The following PRRT3 variants were observed in gnomAD, a reference collection of about 807,000 sequenced individuals.
The protein encoded by PRRT3 is proline-rich transmembrane protein 3.
Under a neutral mutation model 56.6 loss-of-function variants are expected in PRRT3, and 48 were observed. The observed-to-expected ratio is 0.85, with a 90% CI of 0.67 to 1.08. PRRT3 has a LOEUF of 1.08. Ranked by LOEUF, PRRT3 falls within the 50% of genes least tolerant of loss-of-function variation. The pLI is 0.00. For synonymous variants in PRRT3, 641 were observed against 619.1 expected (o/e 1.04, Z -0.52); for missense variants, 1,370 against 1,353.1 (o/e 1.01, Z -0.20).
chr3:9,949,677 C>G lies in PRRT3; in HGVS notation c.439G>C (p.Val147Leu). Residue 147 changes from valine to leucine, a missense_variant, in exon 2 of 4, where the codon GTG (valine) becomes CTG (leucine). Val to Leu is a conservative substitution (Grantham distance 32, BLOSUM62 1). Coordinates refer to ENST00000412055, the MANE Select transcript of PRRT3 (RefSeq NM_207351.5). This position sits in a 1 kb window ranked among gnomAD's most constrained non-coding sequence, Gnocchi z 4.5. ...LQQEAVAPHP[V>L]GHPHLTFIPT... is the part of the protein sequence containing the mutation. ...ATGAAAGTGAGATGAGGGTGGCCCA[C>G]TGGGTGGGGAGCCACTGCTTCTTGC... 1 of 1,614,112 alleles carries G rather than the reference C, an allele frequency of 6.2e-7. No homozygotes were observed. The highest frequency in any genetic ancestry group is 1.7e-5 in the Admixed American group (1 of 60,020).
chr3:9,946,604 T>C lies in PRRT3; in HGVS notation c.2569A>G (p.Lys857Glu), dbSNP rs2085526902. Residue 857 changes from lysine (K) to glutamate (E), a missense_variant, in exon 4 of 4, where the codon AAA (lysine) becomes GAA (glutamate). Lys to Glu is a moderately conservative substitution (Grantham distance 56). Transcript: ENST00000412055. This position sits in a 1 kb window ranked among gnomAD's most constrained non-coding sequence, Gnocchi z 4.1. ...GAGCCAGCGTCGTCGAGCTCGGCTT[T>C]GGGATGGCTGCCCCGGCGCGGCCGC... Reference protein sequence around the residue: ...ALRPRRGSHPKAELDDAGSSL... With the variant: ...ALRPRRGSHPEAELDDAGSSL... 7 of 1,399,762 alleles carry C rather than the reference T, an allele frequency of 5.0e-6. No individual in the cohort carries two copies. Among genetic ancestry groups the C allele is most frequent in the Non-Finnish European group, 6.5e-6 (7 of 1,084,598 alleles). The allele number at this position is 1,399,762 out of a possible 1,614,324, so 86.7% of individuals were successfully genotyped here. A position where few individuals can be genotyped will look rare whatever the true frequency, so the allele number is the denominator to read the frequency against.
At chr3:9,951,552 C>T (rs1488043767) in intron 1 of PRRT3, among the ~76,000 whole-genome samples, 2 of 152,202 alleles carry the variant, frequency 1.3e-5, no homozygotes, top group Admixed American at 6.5e-5. Context: ...CAAACATTCA[C>T]GGAGCCCCAT....
rs199776201 is a variant in PRRT3 at position 9,948,703 on chromosome 3, T to A, written c.1171+55A>T. ...CGCCCCCATACATCCCCAACAGAGG[T>A]TCTCAGTTACTAGACAGAGCACTCC... On this transcript the variant is annotated intron_variant, in intron 3 of 3. Coordinates refer to ENST00000412055, the MANE Select transcript of PRRT3 (RefSeq NM_207351.5). The A allele has an allele frequency of 2.3e-4, 369 of 1,589,542 alleles. 1 individual carries two copies. The African/African-American group carries it at 4.4e-3, about 19-fold the overall frequency.
chr3:9,946,621 C>T lies in PRRT3; in HGVS notation c.2552G>A (p.Arg851His). 1 of 1,393,260 alleles carries T rather than the reference C, an allele frequency of 7.2e-7. No individual in the cohort carries two copies. The allele number at this position is 1,393,260 out of a possible 1,614,324, so 86.3% of individuals were successfully genotyped here. ...SPPPGGALRPRRGSHPKAELD... is the reference protein window; with the variant it reads ...SPPPGGALRPHRGSHPKAELD... ...CTCGGCTTTGGGATGGCTGCCCCGG[C>T]GCGGCCGCAGAGCGCCTCCAGGCGG... Residue 851 changes from arginine (R) to histidine (H), a missense_variant, in exon 4 of 4, where the codon CGC (arginine) becomes CAC (histidine). Transcript: ENST00000412055. The surrounding 1 kb of genome is among the most constrained non-coding windows in gnomAD (Gnocchi z 4.1).
In PRRT3 at chr3:9,947,201, C is replaced by T. The variant is rs749273758; in HGVS notation, c.1972G>A (p.Ala658Thr). The change falls in exon 4 of 4, where the codon GCG (alanine) becomes ACG (threonine). Residue 658 changes from alanine to threonine, a missense_variant. By Grantham distance (58) the Ala-to-Thr change is moderately conservative. Transcript: ENST00000412055. This position sits in a 1 kb window ranked among gnomAD's most constrained non-coding sequence, Gnocchi z 9.2. ...CCTGGGCCCGGGTACAGCCAGAGCG[C>T]AGCCGCCAGCTGCAAGCCGCTAGCC... ...LLASGLQLAAALWLYPGPGRV... is the reference protein window; with the variant it reads ...LLASGLQLAATLWLYPGPGRV... The T allele has an allele frequency of 9.2e-6, 14 of 1,521,534 alleles. No homozygotes were observed. Among genetic ancestry groups the T allele is most frequent in the South Asian group, 8.5e-5 (7 of 82,328 alleles). The allele number at this position is 1,521,534 out of a possible 1,614,324, so 94.3% of individuals were successfully genotyped here.
Position 9,947,816 on chromosome 3 carries a change from C to T in PRRT3, c.1357G>A (p.Ala453Thr). The change falls in exon 4 of 4, where the codon GCC becomes ACC. Residue 453 changes from alanine to threonine, a missense_variant. Coordinates refer to ENST00000412055, the MANE Select transcript of PRRT3 (RefSeq NM_207351.5). The surrounding 1 kb of genome is among the most constrained non-coding windows in gnomAD (Gnocchi z 9.2). The stretch of plus-strand genomic sequence containing the variant: ...CCCCAGCGTAGCGGGGGTGCAGTGG[C>T]GTTGGCTGGGGGGCTGGAGGCTGGG... ...SAPASSPPANATAPPLRWGPL... is the reference protein window; with the variant it reads ...SAPASSPPANTTAPPLRWGPL... 2.1e-6 allele frequency: 3 copies of T among 1,444,058 alleles called. No homozygotes were observed. The highest frequency in any genetic ancestry group is 3.0e-5 in the Admixed American group (1 of 33,426). 89.5% of individuals were successfully genotyped at this position (1,444,058 alleles called of 1,614,324 possible).
In PRRT3 at chr3:9,949,206, C is replaced by A; in HGVS notation, c.910G>T (p.Gly304Cys). 6.2e-7 allele frequency: 1 copy of A among 1,608,780 alleles called. No homozygotes were observed. Among genetic ancestry groups the A allele is most frequent in the East Asian group, 2.2e-5 (1 of 44,862 alleles). The change falls in exon 2 of 4, where the codon GGT (glycine) becomes TGT (cysteine). Residue 304 changes from glycine to cysteine, a missense_variant. Gly to Cys is a radical substitution (Grantham distance 159). Coordinates refer to ENST00000412055, the MANE Select transcript of PRRT3 (RefSeq NM_207351.5). The surrounding 1 kb of genome is among the most constrained non-coding windows in gnomAD (Gnocchi z 4.5). ...AGGTCAGCCTGCTTGGGCGGGGGAC[C>A]TGGGGAGCTGACTTCCCAGGACACC... ...AEVSWEVSSP[G>C]PPPKQADLPD...
chr3:9,946,156 G>C lies in PRRT3; in HGVS notation c.*71C>G. ...TGGCCAGGATGCCCATTTTTTAAAG[G>C]CTCAACTGTCCCAGTAGGCCATGCC... On this transcript the variant is annotated 3_prime_UTR_variant, in exon 4 of 4. Coordinates refer to ENST00000412055, the MANE Select transcript of PRRT3 (RefSeq NM_207351.5). This position sits in a 1 kb window ranked among gnomAD's most constrained non-coding sequence, Gnocchi z 4.1. 6.5e-7 allele frequency: 1 copy of C among 1,531,476 alleles called. No individual in the cohort carries two copies. The highest frequency in any genetic ancestry group is 8.8e-7 in the Non-Finnish European group (1 of 1,137,816). 94.9% of individuals were successfully genotyped at this position (1,531,476 alleles called of 1,614,324 possible).
In PRRT3 at chr3:9,946,834, C is replaced by T. The variant is rs2085532392; in HGVS notation, c.2339G>A (p.Arg780His). ...GAWGSAASLG[R>H]GPQGGPGLSR... ...CAGTCCCGGGCCACCCTGGGGTCCG[C>T]GACCCAACGACGCAGCCGAGCCCCA... Residue 780 changes from arginine to histidine, a missense_variant, in exon 4 of 4, where the codon CGC becomes CAC. Transcript: ENST00000412055. The surrounding 1 kb of genome is among the most constrained non-coding windows in gnomAD (Gnocchi z 4.1). The T allele has an allele frequency of 6.5e-7, 1 of 1,540,012 alleles. No homozygotes were observed. Among genetic ancestry groups the T allele is most frequent in the Non-Finnish European group, 8.7e-7 (1 of 1,149,112 alleles).
At position 9,947,205 on chromosome 3, in the gene PRRT3, CGCCAGCTGCAAGCCGCTA is replaced by C; in HGVS notation, c.1950_1967del (p.Ser651_Ala656del). 1 of 1,519,864 alleles carries C rather than the reference CGCCAGCTGCAAGCCGCTA, an allele frequency of 6.6e-7. No individual in the cohort carries two copies. The highest frequency in any genetic ancestry group is 8.8e-7 in the Non-Finnish European group (1 of 1,140,502). 94.1% of individuals were successfully genotyped at this position (1,519,864 alleles called of 1,614,324 possible). ...GGCCCGGGTACAGCCAGAGCGCAGC[CGCCAGCTGCAAGCCGCTA>C]GCCAGCAGCCCCAGCGCGCCCGCCA... is the stretch of plus-strand genomic sequence containing the variant. On this transcript the variant is annotated inframe_deletion, in exon 4 of 4. Coordinates refer to ENST00000412055, the MANE Select transcript of PRRT3 (RefSeq NM_207351.5). The surrounding 1 kb of genome is among the most constrained non-coding windows in gnomAD (Gnocchi z 9.2).
In PRRT3 at chr3:9,947,428, C is replaced by G; in HGVS notation, c.1745G>C (p.Gly582Ala). The stretch of plus-strand genomic sequence containing the variant: ...CAGGTCTGTCGCGAGCAACCCTACA[C>G]CATGCACCAGCGCCACTGCTCCCAG... ...LLLGAVALVH[G>A]VGLLATDLLS... The change falls in exon 4 of 4, where the codon GGT becomes GCT. Residue 582 changes from glycine to alanine, a missense_variant. Transcript: ENST00000412055. This position sits in a 1 kb window ranked among gnomAD's most constrained non-coding sequence, Gnocchi z 9.2. 6.2e-7 allele frequency: 1 copy of G among 1,612,570 alleles called. No homozygotes were observed. The highest frequency in any genetic ancestry group is 1.1e-5 in the South Asian group (1 of 91,088).
In PRRT3 at chr3:9,947,745, G is replaced by A. The variant is rs780693862; in HGVS notation, c.1428C>T (p.Tyr476=). ...GCAGCAGAAAGAGTACCCCCACCCC[G>A]TAGACGTGCAGCTCCCAGGAGAAGC... ...VLSFSWELHV[Y]GVGVLFLLPA... is the part of the protein sequence containing the mutation. Residue 476 remains tyrosine, a synonymous_variant, in exon 4 of 4, where the codon TAC becomes TAT. Coordinates refer to ENST00000412055, the MANE Select transcript of PRRT3 (RefSeq NM_207351.5). The surrounding 1 kb of genome is among the most constrained non-coding windows in gnomAD (Gnocchi z 9.2). 3.9e-6 allele frequency: 6 copies of A among 1,530,630 alleles called. No homozygotes were observed. Among genetic ancestry groups the A allele is most frequent in the Admixed American group, 2.2e-5 (1 of 44,842 alleles). The allele number at this position is 1,530,630 out of a possible 1,614,324, so 94.8% of individuals were successfully genotyped here.
chr3:9,947,331 C>T lies in PRRT3; in HGVS notation c.1842G>A (p.Leu614=). 6.2e-7 allele frequency: 1 copy of T among 1,606,478 alleles called. No individual in the cohort carries two copies. Residue 614 remains leucine, a synonymous_variant, in exon 4 of 4, where the codon CTG becomes CTA. Coordinates refer to ENST00000412055, the MANE Select transcript of PRRT3 (RefSeq NM_207351.5). The surrounding 1 kb of genome is among the most constrained non-coding windows in gnomAD (Gnocchi z 9.2). The part of the protein sequence containing the change: ...LSCAWGAAVA[L]GTLCLCRRRL... ...GGCGACGGCACAGGCAGAGCGTGCCCAGAGCCACGGCCGCGCCCCAGGCGC... is the reference window on the plus strand; with the variant it reads ...GGCGACGGCACAGGCAGAGCGTGCCTAGAGCCACGGCCGCGCCCCAGGCGC...
In PRRT3 at chr3:9,946,526, G is replaced by A. The variant is rs1339640482; in HGVS notation, c.2647C>T (p.Pro883Ser). 1.6e-5 allele frequency: 24 copies of A among 1,478,920 alleles called. No individual in the cohort carries two copies. Among genetic ancestry groups the A allele is most frequent in the Non-Finnish European group, 2.2e-5 (24 of 1,112,928 alleles). 91.6% of individuals were successfully genotyped at this position (1,478,920 alleles called of 1,614,324 possible). A position where few individuals can be genotyped will look rare whatever the true frequency, so the allele number is the denominator to read the frequency against. Residue 883 changes from proline (P) to serine (S), a missense_variant, in exon 4 of 4, where the codon CCG becomes TCG. Coordinates refer to ENST00000412055, the MANE Select transcript of PRRT3 (RefSeq NM_207351.5). The surrounding 1 kb of genome is among the most constrained non-coding windows in gnomAD (Gnocchi z 4.1). ...GCTTCCACTACGTGCTGTGGGACCG[G>A]CCCGCGCACGCGCACGTCGCTGAGC... ...RSLSDVRVRGPVPQHVVEAPD... is the reference protein window; with the variant it reads ...RSLSDVRVRGSVPQHVVEAPD...
Position 9,949,257 on chromosome 3 carries a change from C to T in PRRT3, c.859G>A (p.Glu287Lys). ...TCAGCGCCAGCCCTCTTGGGGGTCTCAACCGGCAGCTCCTCAGCAGGAGGA... is the reference window on the plus strand; with the variant it reads ...TCAGCGCCAGCCCTCTTGGGGGTCTTAACCGGCAGCTCCTCAGCAGGAGGA... ...SLPPAEELPV[E>K]TPKRAGAEVS... The change falls in exon 2 of 4, where the codon GAG becomes AAG. Residue 287 changes from glutamate (E) to lysine (K), a missense_variant. Glu to Lys is a moderately conservative substitution (Grantham distance 56). Transcript: ENST00000412055. This position sits in a 1 kb window ranked among gnomAD's most constrained non-coding sequence, Gnocchi z 4.5. 6.2e-7 allele frequency: 1 copy of T among 1,602,592 alleles called. No individual in the cohort carries two copies. The highest frequency in any genetic ancestry group is 8.5e-7 in the Non-Finnish European group (1 of 1,173,336).
In PRRT3 at chr3:9,947,521, G is replaced by A. The variant is rs770151205; in HGVS notation, c.1652C>T (p.Ala551Val). The change falls in exon 4 of 4, where the codon GCG (alanine) becomes GTG (valine). Residue 551 changes from alanine to valine, a missense_variant. Ala to Val is a moderately conservative substitution (Grantham distance 64). Coordinates refer to ENST00000412055, the MANE Select transcript of PRRT3 (RefSeq NM_207351.5). This position sits in a 1 kb window ranked among gnomAD's most constrained non-coding sequence, Gnocchi z 9.2. ...GCCGAGCAGAGTCAGGGCTGCCAGC[G>A]CCGTAAGCAGCAAGGGGAAGGGCAG... ...YNLPFPLLLT[A>V]LAALTLLGLG... 3.4e-5 allele frequency: 54 copies of A among 1,611,538 alleles called. No individual in the cohort carries two copies. The highest frequency in any genetic ancestry group is 4.5e-5 in the Non-Finnish European group (53 of 1,179,522).
Position 9,949,144 on chromosome 3 carries a change from C to A in PRRT3, c.972G>T (p.Thr324=), listed in dbSNP as rs183196773. 6.2e-7 allele frequency: 1 copy of A among 1,611,462 alleles called. No homozygotes were observed. The highest frequency in any genetic ancestry group is 8.5e-7 in the Non-Finnish European group (1 of 1,179,188). Residue 324 remains threonine, a synonymous_variant, in exon 2 of 4, where the codon ACG becomes ACT. Transcript: ENST00000412055. The surrounding 1 kb of genome is among the most constrained non-coding windows in gnomAD (Gnocchi z 4.5). ...CAGGAGCCTCTGAGGCGGGTGGATC[C>A]GTGGGCTGGGGTCCTGGTGAATCCT... ...DAKDSPGPQP[T]DPPASEAPDR...
chr3:9,947,406 G>C lies in PRRT3; in HGVS notation c.1767C>G (p.Asp589Glu). Residue 589 changes from aspartate to glutamate, a missense_variant, in exon 4 of 4, where the codon GAC (aspartate) becomes GAG (glutamate). By Grantham distance (45) the Asp-to-Glu change is conservative (BLOSUM62 2). Coordinates refer to ENST00000412055, the MANE Select transcript of PRRT3 (RefSeq NM_207351.5). This position sits in a 1 kb window ranked among gnomAD's most constrained non-coding sequence, Gnocchi z 9.2. ...LVHGVGLLAT[D>E]LLSTWSVLNL... ...TGAGCACAGACCATGTGGACAGCAGGTCTGTCGCGAGCAACCCTACACCAT... is the reference window on the plus strand; with the variant it reads ...TGAGCACAGACCATGTGGACAGCAGCTCTGTCGCGAGCAACCCTACACCAT... The C allele has an allele frequency of 1.9e-6, 3 of 1,612,472 alleles. No individual in the cohort carries two copies. Among genetic ancestry groups the C allele is most frequent in the Non-Finnish European group, 2.5e-6 (3 of 1,179,648 alleles).
rs1202423651 is a variant in PRRT3, at chr3:9,948,897, A to T, written c.1032T>A (p.Asn344Lys). The T allele has an allele frequency of 3.1e-6, 5 of 1,588,268 alleles. No homozygotes were observed. The highest frequency in any genetic ancestry group is 3.7e-5 in the Admixed American group (2 of 54,532). Residue 344 changes from asparagine to lysine, a missense_variant, in exon 3 of 4, where the codon AAT becomes AAA. Asn to Lys is a moderately conservative substitution (Grantham distance 94, BLOSUM62 0). Coordinates refer to ENST00000412055, the MANE Select transcript of PRRT3 (RefSeq NM_207351.5). Reference protein sequence around the residue: ...RPSKPERAAMNGADPISPQRV... With the variant: ...RPSKPERAAMKGADPISPQRV... ...GCTGGGGGGAGATGGGGTCTGCTCC[A>T]TTCATTGCTGCTCTCTCTGAAATGA...
Sources: allele counts gnomAD v4.1 joint callset (sites outside exome capture counted in the v4.1 genomes callset), GRCh38; gene constraint gnomAD v4.1.1; non-coding constraint Gnocchi (gnomAD v3.1); transcripts MANE v1.5; gene names NCBI Gene and HGNC (gene_info 2026-07-23, HGNC 2026-07-21).